DLG2: variants seen among roughly 807,000 people sequenced by gnomAD.
DLG2 encodes disks large homolog 2.
A neutral mutation model predicts 132.5 loss-of-function variants in DLG2; 45 were observed. The observed-to-expected ratio is 0.34, with a 90% CI of 0.27 to 0.44. The LOEUF (loss-of-function observed/expected upper bound fraction) is 0.44, where lower values mean the gene tolerates loss of function less well. Among genes scored for constraint, DLG2 ranks in the 20% least tolerant of loss-of-function variants. DLG2 has a pLI of 1.00. For synonymous variants in DLG2, 424 were observed against 419.6 expected (o/e 1.01, Z -0.13); for missense variants, 1,045 against 1,196.9 (o/e 0.87, Z 1.87).
intron 18 of DLG2, among the ~76,000 whole-genome samples, chr11:83,706,238 A>G (rs1566625414): frequency 6.6e-6 from 1 of 151,608 alleles, no homozygotes. Flanking sequence ...AAAACATTTT[A>G]AAACCAACAA....
At chr11:85,205,702 A>G (rs574810917) in intron 4 of DLG2, among the ~76,000 whole-genome samples, 2 of 152,158 alleles carry the variant, frequency 1.3e-5, no homozygotes, top group East Asian at 1.9e-4. Flanking sequence ...CTAAAACATA[A>G]AAGTTCCCTA....
At chr11:85,099,855 T>G (rs1328997410) in intron 6 of DLG2, among the ~76,000 whole-genome samples, 2 of 152,146 alleles carry the variant, frequency 1.3e-5, no homozygotes, top group Non-Finnish European at 2.9e-5. Context: ...TCACCTACTT[T>G]GTATCTAGAA....
chr11:85,405,855 T>C (rs759141859), intron 3 of DLG2, among the ~76,000 whole-genome samples: 4 of 152,010 alleles, frequency 2.6e-5, no homozygotes, highest in African/African-American at 7.2e-5. Context: ...TTGAAAATTA[T>C]GTAAAGTGAA....
At chr11:84,550,674 G>C (rs2154524008) in intron 6 of DLG2, among the ~76,000 whole-genome samples, 1 of 152,240 alleles carries the variant, frequency 6.6e-6, no homozygotes, top group South Asian at 2.1e-4. Context: ...GACTTCCTGG[G>C]TGGTCGATTG....
intron 9 of DLG2, among the ~76,000 whole-genome samples, chr11:84,144,153 CA>C (rs1283816226): frequency 6.6e-6 from 1 of 152,074 alleles, no homozygotes; most frequent in East Asian, 1.9e-4. Flanking sequence ...TTTCATATGA[CA>C]AAAGCACCAA....
chr11:83,925,603 A>AAT (rs952231206), intron 15 of DLG2, among the ~76,000 whole-genome samples: 2 of 151,972 alleles, frequency 1.3e-5, no homozygotes, highest in South Asian at 2.1e-4. Flanking sequence ...AAGTCCCATG[A>AAT]ATATATATAT....
chr11:83,639,739 C>G (rs1302456751), intron 18 of DLG2, among the ~76,000 whole-genome samples: 1 of 150,622 alleles, frequency 6.6e-6, no homozygotes, highest in Non-Finnish European at 1.5e-5. Context: ...CACATGTACC[C>G]TAAAACTTAA....
intron 7 of DLG2, among the ~76,000 whole-genome samples, chr11:84,352,067 C>T (rs1430131265): frequency 6.6e-6 from 1 of 152,124 alleles, no homozygotes; most frequent in Non-Finnish European, 1.5e-5. Context: ...TTTATTGATT[C>T]ATAGAACCTT....
chr11:84,038,900 G>T (rs922021130), intron 11 of DLG2, among the ~76,000 whole-genome samples: 13 of 151,930 alleles, frequency 8.6e-5, no homozygotes, highest in Admixed American at 2.0e-4. Context: ...AAAACCATTA[G>T]ATCTTGTAAG....
intron 9 of DLG2, among the ~76,000 whole-genome samples, chr11:84,148,952 C>T (rs1391220516): frequency 1.3e-5 from 2 of 152,108 alleles, no homozygotes; most frequent in Admixed American, 6.5e-5. Flanking sequence ...TTTTGATTTG[C>T]ATTTCTCTGA....
intron 6 of DLG2, among the ~76,000 whole-genome samples, chr11:85,016,779 A>G (rs1362278311): frequency 6.6e-6 from 1 of 152,100 alleles, no homozygotes; most frequent in Non-Finnish European, 1.5e-5. Context: ...GACAGGTTAG[A>G]TAGCCCTCAG....
chr11:83,682,398 T>A, intron 18 of DLG2: 2 of 985,378 alleles, frequency 2.0e-6, no homozygotes, highest in South Asian at 9.4e-5. Context: ...GGTACATATA[T>A]TTCCTTGTAA....
chr11:84,815,043 A>C (rs1269557885), intron 6 of DLG2, among the ~76,000 whole-genome samples: 1 of 152,104 alleles, frequency 6.6e-6, no homozygotes, highest in Non-Finnish European at 1.5e-5. Flanking sequence ...TTAGGGAACC[A>C]GCACCAGAGG....
intron 3 of DLG2, among the ~76,000 whole-genome samples, chr11:85,295,474 T>G (rs1478169591): frequency 6.6e-6 from 1 of 152,138 alleles, no homozygotes; most frequent in East Asian, 1.9e-4. Flanking sequence ...TTTGATCATC[T>G]TATGAGACAT....
At chr11:84,657,529 AG>A (rs2099689674) in intron 6 of DLG2, among the ~76,000 whole-genome samples, 2 of 152,164 alleles carry the variant, frequency 1.3e-5, no homozygotes, top group African/African-American at 4.8e-5. Flanking sequence ...ACGAATGAGA[AG>A]GGTGGGGAGA....
Position 83,833,861 on chromosome 11 carries a change from A to T in DLG2, c.1566-91T>A, listed in dbSNP as rs1229761707. The T allele has an allele frequency of 3.1e-6, 4 of 1,291,296 alleles. No individual in the cohort carries two copies. In the East Asian group the frequency reaches 9.4e-5, roughly 30 times the overall value. The allele number at this position is 1,291,296 out of a possible 1,614,324, so 80.0% of individuals were successfully genotyped here. ...TTCAATGGGATATATGATATCAGCA[A>T]CTCACTACTTGTAAAATTGTTTCTC... is the stretch of plus-strand genomic sequence containing the variant. On this transcript the variant is annotated intron_variant, in intron 16 of 27. Transcript: ENST00000376104.
intron 6 of DLG2, among the ~76,000 whole-genome samples, chr11:85,029,870 TTGTGTG>T (rs1033906744): frequency 6.6e-6 from 1 of 151,558 alleles, no homozygotes; most frequent in Non-Finnish European, 1.5e-5. Context: ...TATGACTGGC[TTGTGTG>T]TGTGTGTGTA....
chr11:84,166,500 C>CAAAAAAAAAAAAAAAAA (rs398016937), intron 8 of DLG2, among the ~76,000 whole-genome samples: 4 of 81,030 alleles, frequency 4.9e-5, no homozygotes, highest in African/African-American at 9.7e-5. Flanking sequence ...GACTCTGCTT[C>CAAAAAAAAAAAAAAAAA]AAAAAAAAAA....
intron 22 of DLG2, among the ~76,000 whole-genome samples, chr11:83,482,125 T>A (rs999566304): frequency 4.6e-5 from 7 of 152,082 alleles, no homozygotes; most frequent in Non-Finnish European, 1.5e-5. Context: ...AAATAAAGTT[T>A]TCATCTTTAA....
Sources: allele counts gnomAD v4.1 joint callset (sites outside exome capture counted in the v4.1 genomes callset), GRCh38; gene constraint gnomAD v4.1.1; transcripts MANE v1.5; gene names NCBI Gene and HGNC (gene_info 2026-07-23, HGNC 2026-07-21).